XYLT1: variants seen among roughly 807,000 people sequenced by gnomAD.
XYLT1 encodes the protein xylosyltransferase 1, also known as beta-D-xylosyltransferase 1.
In XYLT1, 36 loss-of-function variants were observed where a neutral mutation model predicts 91.3. The ratio of observed to expected loss-of-function variants is 0.39; its 90% CI spans 0.30 to 0.52. The LOEUF is 0.52. XYLT1 is among the 20% of genes least tolerant of loss of function. The pLI is 0.68. For missense variants in XYLT1, 1,242 were observed against 1,284.5 expected (o/e 0.97, Z 0.51); for synonymous variants, 588 against 532.0 (o/e 1.11, Z -1.45).
intron 1 of XYLT1, among the ~76,000 whole-genome samples, chr16:17,360,355 C>T (rs1413213909): frequency 6.6e-6 from 1 of 152,214 alleles, no homozygotes; most frequent in Non-Finnish European, 1.5e-5. Context: ...TCTCTGTCAA[C>T]TGTGTTGACA....
chr16:17,239,745 A>G lies in XYLT1; in HGVS notation c.913+19243T>C, dbSNP rs1022044951. Among the ~76,000 whole-genome samples the G allele has an allele frequency of 3.3e-5, 5 of 150,354 alleles. No individual in the cohort carries two copies. The South Asian group carries it at 8.5e-4, about 26-fold the overall frequency. On this transcript the variant is annotated intron_variant, in intron 3 of 11. Transcript: ENST00000261381. ...AGTCTGTCTGTCCTTCCATCCATCC[A>G]CCCACCCAGCCTGTCCATCCATCCA...
intron 2 of XYLT1, among the ~76,000 whole-genome samples, chr16:17,330,343 A>G (rs1329713104): frequency 1.3e-5 from 2 of 152,202 alleles, no homozygotes; most frequent in Non-Finnish European, 2.9e-5. Flanking sequence ...GAACAGGTTG[A>G]TCCAGACCTC....
At chr16:17,369,149 TA>T (rs1243524131) in intron 1 of XYLT1, among the ~76,000 whole-genome samples, 1 of 150,022 alleles carries the variant, frequency 6.7e-6, no homozygotes, top group Admixed American at 6.6e-5. Context: ...TTTTTTTTTT[TA>T]GATGGAGTTT....
In XYLT1 at chr16:17,104,419, C is replaced by T. The variant is rs1028568458; in HGVS notation, c.*4276G>A. Reference sequence around the variant, plus strand: ...GACCAGGAGAGCTGAATGATCCATCCCCCCTCTGTGGAATGGTCTCTTGAG... The same window carrying T: ...GACCAGGAGAGCTGAATGATCCATCTCCCCTCTGTGGAATGGTCTCTTGAG... On this transcript the variant is annotated 3_prime_UTR_variant, in exon 12 of 12. Coordinates refer to ENST00000261381, the MANE Select transcript of XYLT1 (RefSeq NM_022166.4). 1 of 152,196 alleles carries T rather than the reference C, an allele frequency of 6.6e-6. No homozygotes were observed. The allele number at this position is 152,196 out of a possible 1,614,324, so 9.4% of individuals were successfully genotyped here. A position where few individuals can be genotyped will look rare whatever the true frequency, so the allele number is the denominator to read the frequency against.
chr16:17,445,408 A>T (rs2036579507), intron 1 of XYLT1, among the ~76,000 whole-genome samples: 1 of 152,238 alleles, frequency 6.6e-6, no homozygotes, highest in African/African-American at 2.4e-5. Flanking sequence ...TTAAAGAAAG[A>T]GGTGACCACA....
intron 3 of XYLT1, among the ~76,000 whole-genome samples, chr16:17,219,752 T>C (rs946132983): frequency 2.0e-5 from 3 of 152,152 alleles, no homozygotes; most frequent in African/African-American, 7.2e-5. Flanking sequence ...GTGATTCTCC[T>C]GTGCAGTGGC....
chr16:17,232,788 C>T (rs1300792150), intron 3 of XYLT1, among the ~76,000 whole-genome samples: 2 of 151,578 alleles, frequency 1.3e-5, no homozygotes, highest in Admixed American at 6.6e-5. Context: ...TATGAGGTGG[C>T]GGCCTTCGTC....
chr16:17,170,769 G>A (rs761855174), intron 5 of XYLT1, among the ~76,000 whole-genome samples: 22 of 152,030 alleles, frequency 1.4e-4, no homozygotes, highest in Non-Finnish European at 2.9e-4. Flanking sequence ...ATACTAATTT[G>A]TCCATTTCCA....
chr16:17,114,379 G>C (rs1321012111), intron 11 of XYLT1, among the ~76,000 whole-genome samples: 7 of 152,174 alleles, frequency 4.6e-5, no homozygotes, highest in African/African-American at 1.7e-4. Context: ...ATGGCACTGA[G>C]CCCTCACTCT....
intron 3 of XYLT1, among the ~76,000 whole-genome samples, chr16:17,217,699 G>C (rs994064229): frequency 1.3e-5 from 2 of 152,212 alleles, no homozygotes; most frequent in African/African-American, 4.8e-5. Context: ...ATGTTGGATG[G>C]AGAAAACAGA....
intron 4 of XYLT1, among the ~76,000 whole-genome samples, 170 bp from the exon 5 acceptor site, chr16:17,198,584 T>A (rs1473596313): frequency 6.6e-6 from 1 of 152,154 alleles, no homozygotes; most frequent in African/African-American, 2.4e-5. Context: ...TGTACTGCAA[T>A]TCAAACTTGG....
At chr16:17,447,096 G>A (rs2036602336) in intron 1 of XYLT1, among the ~76,000 whole-genome samples, 1 of 150,900 alleles carries the variant, frequency 6.6e-6, no homozygotes, top group African/African-American at 2.4e-5. Context: ...TCACGACCTC[G>A]CTTCCCCACC....
At chr16:17,188,952 G>A (rs1056884257) in intron 5 of XYLT1, among the ~76,000 whole-genome samples, 2 of 151,212 alleles carry the variant, frequency 1.3e-5, no homozygotes, top group East Asian at 1.9e-4. Flanking sequence ...TGACCACTAC[G>A]ATGAGGGCAG....
At chr16:17,125,519 T>C (rs2030229721) in intron 10 of XYLT1, among the ~76,000 whole-genome samples, 1 of 152,056 alleles carries the variant, frequency 6.6e-6, no homozygotes, top group Non-Finnish European at 1.5e-5. Context: ...TCATTCCCAG[T>C]GCCTAAGGGC....
intron 3 of XYLT1, among the ~76,000 whole-genome samples, chr16:17,236,547 G>A (rs2033251108): frequency 6.6e-6 from 1 of 152,190 alleles, no homozygotes; most frequent in Non-Finnish European, 1.5e-5. Flanking sequence ...TCCCGGGGCT[G>A]CCCTAACAAA....
chr16:17,379,763 T>TTTCTCA (rs1555501170), intron 1 of XYLT1, among the ~76,000 whole-genome samples: 3 of 125,546 alleles, frequency 2.4e-5, no homozygotes, highest in African/African-American at 9.5e-5. Context: ...TCTCTCTCTC[T>TTTCTCA]CACACACACA....
Position 17,108,954 on chromosome 16 carries a change from C to A in XYLT1, c.2621G>T (p.Ser874Ile). Residue 874 changes from serine to isoleucine, a missense_variant, in exon 12 of 12, where the codon AGC becomes ATC. This residue lies in a region of XYLT1 where 511 missense variants were observed against 497.0 expected (regional missense o/e 1.03). Transcript: ENST00000261381. The stretch of plus-strand genomic sequence containing the variant: ...GGGCAGGCTGAGGACGGGGTTTAGG[C>A]TCTGGAAGCTCTGCTCCATGTAGGC... ...RNAYMEQSFQ[S>I]LNPVLSLPIN... The A allele has an allele frequency of 6.3e-7, 1 of 1,584,076 alleles. No homozygotes were observed.
At chr16:17,379,759 T>TCACACACACACACACA (rs1489816883) in intron 1 of XYLT1, among the ~76,000 whole-genome samples, 6 of 117,984 alleles carry the variant, frequency 5.1e-5, no homozygotes, top group African/African-American at 2.3e-4. Flanking sequence ...TCTCTCTCTC[T>TCACACACACACACACA]CTCTCACACA....
intron 9 of XYLT1, among the ~76,000 whole-genome samples, chr16:17,132,925 G>A (rs927123699): frequency 6.6e-6 from 1 of 152,112 alleles, no homozygotes; most frequent in African/African-American, 2.4e-5. Context: ...AACTCATCAG[G>A]TAGTTTTTGA....
Sources: gnomAD v4.1 joint callset for allele counts (sites outside exome capture counted in the v4.1 genomes callset) on GRCh38, gnomAD v4.1.1 for gene constraint, gnomAD v4.1.1 regional missense constraint, MANE v1.5 for transcripts, NCBI Gene and HGNC (gene_info 2026-07-23, HGNC 2026-07-21) for gene names.